The following ZNF358 variants were observed in gnomAD, a reference collection of about 807,000 sequenced individuals.
ZNF358 encodes the protein zinc finger protein 358.
A neutral mutation model predicts 2.1 loss-of-function variants in ZNF358; 1 was observed. That is an observed-to-expected ratio of 0.49 (90% CI 0.17 to 2.30). The LOEUF is 2.30. Among genes scored for constraint, ZNF358 ranks in the 30% most tolerant of loss-of-function variants. The probability of loss-of-function intolerance (pLI) is 0.26; values close to 1 mark genes in which losing one functional copy is unlikely to be tolerated. For synonymous variants in ZNF358, 381 were observed against 359.7 expected, an observed-to-expected ratio of 1.06 and a Z score of -0.67; for missense variants, 665 against 806.8, an observed-to-expected ratio of 0.82 and a Z score of 2.13.
intron 1 of ZNF358, among the ~76,000 whole-genome samples, chr19:7,517,630 T>C (rs2022361490): frequency 6.6e-6 from 1 of 151,820 alleles, no homozygotes; most frequent in Non-Finnish European, 1.5e-5. Flanking sequence ...GGTTCATGAG[T>C]CTCCCTACCC....
At chr19:7,517,663 C>T (rs1299964274) in intron 1 of ZNF358, among the ~76,000 whole-genome samples, 2 of 152,048 alleles carry the variant, frequency 1.3e-5, no homozygotes, top group African/African-American at 4.8e-5. Flanking sequence ...CAGGAGGGGT[C>T]CCAAATATCA....
In ZNF358 at chr19:7,520,436, G is replaced by A. The variant is rs755434811; in HGVS notation, c.1194G>A (p.Glu398=). The A allele has an allele frequency of 6.3e-7, 1 of 1,588,568 alleles. No homozygotes were observed. Among genetic ancestry groups the A allele is most frequent in the South Asian group, 1.1e-5 (1 of 89,188 alleles). Residue 398 remains glutamate, a synonymous_variant, in exon 2 of 2, where the codon GAG becomes GAA. Transcript: ENST00000597229. This position sits in a 1 kb window ranked among gnomAD's most constrained non-coding sequence, Gnocchi z 6.0. ...TCACCAAGCACAAACGGGTGCATGA[G>A]GGTGCAGCCGCTGCTGCAGCTGCCG... ...SSLTKHKRVH[E]GAAAAAAAAA... is the part of the protein sequence containing the mutation.
chr19:7,518,553 G>GAAAGAAAGAAAGAAAGAA lies in ZNF358; in HGVS notation c.-38-651_-38-650insAAGAAAGAAAGAAAGAAA, dbSNP rs538103893. Among the ~76,000 whole-genome samples the GAAAGAAAGAAAGAAAGAA allele has an allele frequency of 1.8e-3, 40 of 22,566 alleles. 1 individual carries two copies. The highest frequency in any genetic ancestry group is 3.3e-3 in the East Asian group (2 of 608). The allele number at this position is 22,566 out of a possible 152,430, so 14.8% of individuals were successfully genotyped here. ...AAGGAAAGAAAGAAAGAAAGAGAGA[G>GAAAGAAAGAAAGAAAGAA]AGAGAGAAAGAAAGAAAGAAAGAAA... On this transcript the variant is annotated intron_variant, in intron 1 of 1. Transcript: ENST00000597229.
Position 7,519,560 on chromosome 19 carries a change from C to A in ZNF358, c.318C>A (p.Leu106=). The part of the protein sequence containing the change: ...PDVIGPVPLI[L]DPNSDTLSPG... The stretch of plus-strand genomic sequence containing the variant: ...TGATTGGCCCCGTACCCCTGATTCT[C>A]GATCCTAACAGCGACACCCTCAGCC... Residue 106 remains leucine (L), a synonymous_variant, in exon 2 of 2, where the codon CTC becomes CTA. Coordinates refer to ENST00000597229, the MANE Select transcript of ZNF358 (RefSeq NM_018083.5). 6.2e-7 allele frequency: 1 copy of A among 1,603,168 alleles called. No individual in the cohort carries two copies.
chr19:7,520,609 C>G lies in ZNF358; in HGVS notation c.1367C>G (p.Thr456Ser), dbSNP rs1353889636. The G allele has an allele frequency of 6.8e-7, 1 of 1,473,878 alleles. No individual in the cohort carries two copies. Among genetic ancestry groups the G allele is most frequent in the Non-Finnish European group, 9.3e-7 (1 of 1,075,178 alleles). The allele number at this position is 1,473,878 out of a possible 1,614,324, so 91.3% of individuals were successfully genotyped here. The stretch of plus-strand genomic sequence containing the variant: ...TCTGGCTTGGGCCTCAGCCCTGGCA[C>G]CAGCTCTGGCCGCAACCCTGACCCT... Reference protein sequence around the residue: ...LGSGLGLSPGTSSGRNPDPGS... With the variant: ...LGSGLGLSPGSSSGRNPDPGS... Residue 456 changes from threonine (T) to serine (S), a missense_variant, in exon 2 of 2, where the codon ACC (threonine) becomes AGC (serine). Thr to Ser is a moderately conservative substitution (Grantham distance 58). Coordinates refer to ENST00000597229, the MANE Select transcript of ZNF358 (RefSeq NM_018083.5). This position sits in a 1 kb window ranked among gnomAD's most constrained non-coding sequence, Gnocchi z 6.0.
upstream of ZNF358, among the ~76,000 whole-genome samples, chr19:7,515,604 A>G (rs2022325269): frequency 6.6e-6 from 1 of 152,234 alleles, no homozygotes; most frequent in Admixed American, 6.5e-5. Flanking sequence ...CTCCAAGAAC[A>G]ACATGTGTAG....
In ZNF358 at chr19:7,520,237, C is replaced by G; in HGVS notation, c.995C>G (p.Ser332Cys). ...PHCGKAFGQS[S>C]NLQHHLRIHT... ...TGCGGCAAAGCCTTCGGGCAGAGCT[C>G]CAACTTGCAACACCACCTGCGCATC... Residue 332 changes from serine (S) to cysteine (C), a missense_variant, in exon 2 of 2, where the codon TCC (serine) becomes TGC (cysteine). By Grantham distance (112) the Ser-to-Cys change is moderately radical (BLOSUM62 -1). Around this residue, in one of 3 missense-constraint regions of ZNF358, gnomAD observed 210 missense variants for 350.8 expected, o/e 0.60. Transcript: ENST00000597229. This position sits in a 1 kb window ranked among gnomAD's most constrained non-coding sequence, Gnocchi z 6.0. 1 of 1,607,690 alleles carries G rather than the reference C, an allele frequency of 6.2e-7. No individual in the cohort carries two copies. The highest frequency in any genetic ancestry group is 8.5e-7 in the Non-Finnish European group (1 of 1,179,576).
Position 7,520,271 on chromosome 19 carries a change from C to T in ZNF358, c.1029C>T (p.Gly343=), listed in dbSNP as rs752013529. Residue 343 remains glycine (G), a synonymous_variant, in exon 2 of 2, where the codon GGC becomes GGT. Transcript: ENST00000597229. The surrounding 1 kb of genome is among the most constrained non-coding windows in gnomAD (Gnocchi z 6.0). The part of the protein sequence containing the change: ...NLQHHLRIHT[G]ERPYACPHCS... Reference sequence around the variant, plus strand: ...AACACCACCTGCGCATCCACACGGGCGAGCGGCCCTACGCCTGCCCGCACT... The same window carrying T: ...AACACCACCTGCGCATCCACACGGGTGAGCGGCCCTACGCCTGCCCGCACT... 2.5e-6 allele frequency: 4 copies of T among 1,609,616 alleles called. No homozygotes were observed. In the Admixed American group the frequency reaches 5.0e-5, roughly 20 times the overall value.
chr19:7,518,575 G>GAAAGAAAGAA (rs1555740165), intron 1 of ZNF358, among the ~76,000 whole-genome samples: 1 of 145,206 alleles, frequency 6.9e-6, no homozygotes, highest in Non-Finnish European at 1.5e-5. Context: ...AAGAAAGAAA[G>GAAAGAAAGAA]AAAGAAAGAA....
At chr19:7,514,596 A>G (rs2022311466), upstream of ZNF358, among the ~76,000 whole-genome samples, 1 of 152,172 alleles carries the variant, frequency 6.6e-6, no homozygotes, top group East Asian at 1.9e-4. Context: ...GGAGTATCTT[A>G]TAGAATTTGG....
chr19:7,514,254 C>T (rs1022757792), upstream of ZNF358, among the ~76,000 whole-genome samples: 2 of 152,298 alleles, frequency 1.3e-5, no homozygotes, highest in East Asian at 3.9e-4. Context: ...GATTAGAGTC[C>T]AGCTCACGTG....
rs1419462808 is a variant in ZNF358 at position 7,519,426 on chromosome 19, G to A, written c.184G>A (p.Glu62Lys). ...CCCGGAAGACGTGGACCCCAGCTATGAAGATCTGGAGCCCGTCTCGGAGGA... is the reference window on the plus strand; with the variant it reads ...CCCGGAAGACGTGGACCCCAGCTATAAAGATCTGGAGCCCGTCTCGGAGGA... ...TVPEDVDPSY[E>K]DLEPVSEDLD... Residue 62 changes from glutamate (E) to lysine (K), a missense_variant, in exon 2 of 2, where the codon GAA (glutamate) becomes AAA (lysine). By Grantham distance (56) the Glu-to-Lys change is moderately conservative. This residue lies in a region of ZNF358 where 206 missense variants were observed against 228.4 expected (regional missense o/e 0.90). Coordinates refer to ENST00000597229, the MANE Select transcript of ZNF358 (RefSeq NM_018083.5). The A allele has an allele frequency of 1.2e-6, 2 of 1,613,980 alleles. No homozygotes were observed. The highest frequency in any genetic ancestry group is 1.7e-6 in the Non-Finnish European group (2 of 1,180,010).
At chr19:7,514,220 G>A (rs892580536), upstream of ZNF358, among the ~76,000 whole-genome samples, 1 of 152,204 alleles carries the variant, frequency 6.6e-6, no homozygotes, top group Non-Finnish European at 1.5e-5. Flanking sequence ...CCTAATTATT[G>A]TGGCCAGGGG....
At position 7,519,481 on chromosome 19, in the gene ZNF358, C is replaced by G; in HGVS notation, c.239C>G (p.Ser80Trp). 6.2e-7 allele frequency: 1 copy of G among 1,613,398 alleles called. No homozygotes were observed. Among genetic ancestry groups the G allele is most frequent in the Non-Finnish European group, 8.5e-7 (1 of 1,179,862 alleles). Residue 80 changes from serine (S) to tryptophan (W), a missense_variant, in exon 2 of 2, where the codon TCG becomes TGG. Ser to Trp is a radical substitution (Grantham distance 177). Transcript: ENST00000597229. ...GACCCCGACGCCGAAGCTCCGGGCTCGGAACCCCAAGATCCCGACCCCATG... is the reference window on the plus strand; with the variant it reads ...GACCCCGACGCCGAAGCTCCGGGCTGGGAACCCCAAGATCCCGACCCCATG... ...DLDPDAEAPG[S>W]EPQDPDPMSS...
rs1477521025 is a variant in ZNF358 at position 7,520,118 on chromosome 19, G to T, written c.876G>T (p.Pro292=). The part of the protein sequence containing the change: ...LRTHTGERPY[P]CPQCGKAFGQ... ...CGCACACGGGCGAGCGGCCCTACCC[G>T]TGTCCGCAGTGCGGCAAGGCCTTCG... Residue 292 remains proline (P), a synonymous_variant, in exon 2 of 2, where the codon CCG becomes CCT. Transcript: ENST00000597229. The surrounding 1 kb of genome is among the most constrained non-coding windows in gnomAD (Gnocchi z 6.0). 2 of 1,572,074 alleles carry T rather than the reference G, an allele frequency of 1.3e-6. No homozygotes were observed. Among genetic ancestry groups the T allele is most frequent in the Admixed American group, 1.8e-5 (1 of 54,748 alleles).
At chr19:7,518,555 GAGAGAAAGAA>G (rs914508702) in intron 1 of ZNF358, among the ~76,000 whole-genome samples, 1 of 136,826 alleles carries the variant, frequency 7.3e-6, no homozygotes, top group Non-Finnish European at 1.5e-5. Context: ...AAGAGAGAGA[GAGAGAAAGAA>G]AGAAAGAAAG....
chr19:7,519,588 G>A lies in ZNF358; in HGVS notation c.346G>A (p.Gly116Ser). 5 of 1,599,850 alleles carry A rather than the reference G, an allele frequency of 3.1e-6. No individual in the cohort carries two copies. The highest frequency in any genetic ancestry group is 4.2e-6 in the Non-Finnish European group (5 of 1,179,812). ...TCCTAACAGCGACACCCTCAGCCCCGGCGATCCAAAAGTGGACCCCATCTC... is the reference window on the plus strand; with the variant it reads ...TCCTAACAGCGACACCCTCAGCCCCAGCGATCCAAAAGTGGACCCCATCTC... ...LDPNSDTLSP[G>S]DPKVDPISSG... is the part of the protein sequence containing the mutation. Residue 116 changes from glycine (G) to serine (S), a missense_variant, in exon 2 of 2, where the codon GGC becomes AGC. Gly to Ser is a moderately conservative substitution (Grantham distance 56). This residue lies in a region of ZNF358 where 206 missense variants were observed against 228.4 expected (regional missense o/e 0.90). Transcript: ENST00000597229.
chr19:7,519,118 C>T (rs1181596904), intron 1 of ZNF358, 87 bp from the exon 2 acceptor site: 4 of 1,450,678 alleles, frequency 2.8e-6, no homozygotes, highest in African/African-American at 1.4e-5. Context: ...AATCGGGTCC[C>T]GTCTCTCATC....
Position 7,520,446 on chromosome 19 carries a change from G to A in ZNF358, c.1204G>A (p.Ala402Thr), listed in dbSNP as rs781741382. Residue 402 changes from alanine to threonine, a missense_variant, in exon 2 of 2, where the codon GCT becomes ACT. This residue lies in a region of ZNF358 where 249 missense variants were observed against 227.6 expected (regional missense o/e 1.09). Coordinates refer to ENST00000597229, the MANE Select transcript of ZNF358 (RefSeq NM_018083.5). This position sits in a 1 kb window ranked among gnomAD's most constrained non-coding sequence, Gnocchi z 6.0. ...CAAACGGGTGCATGAGGGTGCAGCC[G>A]CTGCTGCAGCTGCCGCGGCCGCTGC... is the stretch of plus-strand genomic sequence containing the variant. Reference protein sequence around the residue: ...KHKRVHEGAAAAAAAAAAAAA... With the variant: ...KHKRVHEGAATAAAAAAAAAA... 7 of 1,544,958 alleles carry A rather than the reference G, an allele frequency of 4.5e-6. No homozygotes were observed. The highest frequency in any genetic ancestry group is 1.4e-5 in the African/African-American group (1 of 69,220).
Sources: allele counts gnomAD v4.1 joint callset (sites outside exome capture counted in the v4.1 genomes callset), GRCh38; gene constraint gnomAD v4.1.1; regional missense constraint gnomAD v4.1.1; non-coding constraint Gnocchi (gnomAD v3.1); transcripts MANE v1.5; gene names NCBI Gene and HGNC (gene_info 2026-07-23, HGNC 2026-07-21).